The following TNK2 variants were observed in gnomAD, a reference collection of about 807,000 sequenced individuals.
The protein encoded by TNK2 is tyrosine kinase non receptor 2, also known as activated CDC42 kinase 1.
In TNK2, 83 loss-of-function variants were observed where a neutral mutation model predicts 101.8. That is an observed-to-expected ratio of 0.82 (90% CI 0.68 to 0.98). The LOEUF is 0.98. Ranked by LOEUF, TNK2 falls within the 50% of genes least tolerant of loss-of-function variation. The pLI, the probability that TNK2 is intolerant of heterozygous loss-of-function variation, is 0.00. For missense variants in TNK2, 1,665 were observed against 1,483.2 expected, an observed-to-expected ratio of 1.12 and a Z score of -2.01; for synonymous variants, 804 against 633.0, an observed-to-expected ratio of 1.27 and a Z score of -4.06.
rs1007386618 is a variant in TNK2, at chr3:195,864,062, C to G, written c.*119G>C. On this transcript the variant is annotated 3_prime_UTR_variant, in exon 16 of 16. Coordinates refer to ENST00000672887, the MANE Select transcript of TNK2 (RefSeq NM_001382273.1). The stretch of plus-strand genomic sequence containing the variant: ...CCGCAGCCTTGGCCTTGCTCCATCC[C>G]CGGGAGCAGCAGGAGCAGCGGGTCC... 2 of 1,418,800 alleles carry G rather than the reference C, an allele frequency of 1.4e-6. No homozygotes were observed. The highest frequency in any genetic ancestry group is 2.0e-6 in the Non-Finnish European group (2 of 1,016,424). 87.9% of individuals were successfully genotyped at this position (1,418,800 alleles called of 1,614,324 possible). A position where few individuals can be genotyped will look rare whatever the true frequency, so the allele number is the denominator to read the frequency against.
chr3:195,904,296 A>C (rs1345105060), intron 1 of TNK2, among the ~76,000 whole-genome samples: 1 of 152,082 alleles, frequency 6.6e-6, no homozygotes, highest in African/African-American at 2.4e-5. Flanking sequence ...AAGCAATCCA[A>C]GTAAATGGAT....
At chr3:195,896,086 G>A in intron 1 of TNK2, 1 of 455,658 alleles carries the variant, frequency 2.2e-6, no homozygotes, top group Non-Finnish European at 4.4e-6. Context: ...ACGAGGGCCC[G>A]GACTCCTGCT....
chr3:195,895,802 G>C (rs1760326997), intron 1 of TNK2: 1 of 197,672 alleles, frequency 5.1e-6, no homozygotes, highest in African/African-American at 2.3e-5. Flanking sequence ...CTCCATCTGA[G>C]ACCCCCTCCT....
Position 195,870,196 on chromosome 3 carries a change from C to A in TNK2, c.1461G>T (p.Leu487=), listed in dbSNP as rs565696393. The change falls in exon 11 of 16, where the codon CTG becomes CTT. Residue 487 remains leucine, a synonymous_variant. Transcript: ENST00000672887. ...GFPDRIDELY[L]GNPMDPPDLL... is the part of the protein sequence containing the mutation. ...GGTCGGGGGGGTCCATGGGGTTTCC[C>A]AGATACAGTCTGTGGGGGAGAGAGC... The A allele has an allele frequency of 3.2e-6, 5 of 1,579,686 alleles. No individual in the cohort carries two copies. The South Asian group carries it at 5.8e-5, about 18-fold the overall frequency.
At chr3:195,895,160 G>T in intron 1 of TNK2, 1 of 1,308,664 alleles carries the variant, frequency 7.6e-7, no homozygotes, top group Non-Finnish European at 1.0e-6. Flanking sequence ...TGAGGCCGCC[G>T]CAGGGGGCAG....
At chr3:195,881,968 G>T in intron 6 of TNK2, 83 bp downstream of exon 6, 1 of 1,505,500 alleles carries the variant, frequency 6.6e-7, no homozygotes, top group Non-Finnish European at 9.0e-7. Flanking sequence ...AAAACCAGGG[G>T]CTGTGGTGGG....
At position 195,863,729 on chromosome 3, in the gene TNK2, A is replaced by C. The variant is rs1368947327; in HGVS notation, c.*452T>G. The C allele has an allele frequency of 6.0e-6, 1 of 165,782 alleles. No homozygotes were observed. Among genetic ancestry groups the C allele is most frequent in the East Asian group, 1.6e-4 (1 of 6,142 alleles). The allele number at this position is 165,782 out of a possible 1,614,324, so 10.3% of individuals were successfully genotyped here. A position where few individuals can be genotyped will look rare whatever the true frequency, so the allele number is the denominator to read the frequency against. On this transcript the variant is annotated 3_prime_UTR_variant, in exon 16 of 16. Coordinates refer to ENST00000672887, the MANE Select transcript of TNK2 (RefSeq NM_001382273.1). The stretch of plus-strand genomic sequence containing the variant: ...CCAGGGGCCCCCTGGAAGAAGGCCC[A>C]GTCCTAGGAGGTCCCACCGGGTGCC...
chr3:195,867,017 C>T lies in TNK2; in HGVS notation c.3034-1G>A, dbSNP rs1560466060. ...GACCCAGCCCGAAGAGCTGCTCCAC[C>T]TGGGGGTAAGGGTGGCGCCATGGAC... On this transcript the variant is annotated splice_acceptor_variant, in intron 14 of 15. Transcript: ENST00000672887. LOFTEE classifies it high-confidence loss of function. 6.2e-7 allele frequency: 1 copy of T among 1,613,134 alleles called. No homozygotes were observed. The highest frequency in any genetic ancestry group is 8.5e-7 in the Non-Finnish European group (1 of 1,179,914).
intron 1 of TNK2, among the ~76,000 whole-genome samples, chr3:195,901,915 T>C (rs1761246056): frequency 6.6e-6 from 1 of 152,184 alleles, no homozygotes; most frequent in Admixed American, 6.5e-5. Context: ...GCTGAGTGGA[T>C]ACCATGTCAT....
Position 195,885,210 on chromosome 3 carries a change from C to G in TNK2, c.235-177G>C, listed in dbSNP as rs1755074103. ...GGCCCACACTCCGTCCAGGGCACACCCCCAAACATGAACCCAAAGCCTGAT... is the reference window on the plus strand; with the variant it reads ...GGCCCACACTCCGTCCAGGGCACACGCCCAAACATGAACCCAAAGCCTGAT... On this transcript the variant is annotated intron_variant, in intron 3 of 15. Transcript: ENST00000672887. The surrounding 1 kb of genome is among the most constrained non-coding windows in gnomAD (Gnocchi z 4.7). 4.0e-6 allele frequency: 4 copies of G among 1,003,596 alleles called. No homozygotes were observed. The allele number at this position is 1,003,596 out of a possible 1,614,324, so 62.2% of individuals were successfully genotyped here. A position where few individuals can be genotyped will look rare whatever the true frequency, so the allele number is the denominator to read the frequency against.
chr3:195,905,070 C>T (rs1761588833), intron 1 of TNK2, among the ~76,000 whole-genome samples: 1 of 152,118 alleles, frequency 6.6e-6, no homozygotes, highest in Non-Finnish European at 1.5e-5. Flanking sequence ...GAGATCTTAC[C>T]CTGATTTCAA....
intron 6 of TNK2, 64 bp from the exon 7 acceptor site, chr3:195,879,239 C>T: frequency 6.3e-7 from 1 of 1,596,628 alleles, no homozygotes. Context: ...GCCCCAGGGA[C>T]TTAAAACACT....
At chr3:195,892,427 C>G (rs544738012) in intron 1 of TNK2, 4 of 1,535,202 alleles carry the variant, frequency 2.6e-6, no homozygotes, top group Non-Finnish European at 3.5e-6. Flanking sequence ...CAGGCGTCGC[C>G]GCAGTCTGGC....
At chr3:195,890,121 T>C (rs144776074) in intron 1 of TNK2, among the ~76,000 whole-genome samples, 13 of 152,212 alleles carry the variant, frequency 8.5e-5, no homozygotes, top group African/African-American at 2.9e-4. Context: ...TCAGTTCAAA[T>C]CCTGGCTCTT....
rs770496107 is a variant in TNK2, at chr3:195,883,213, C to T, written c.553G>A (p.Asp185Asn). 6.2e-6 allele frequency: 10 copies of T among 1,610,806 alleles called. No individual in the cohort carries two copies. Among genetic ancestry groups the T allele is most frequent in the East Asian group, 2.2e-5 (1 of 44,880 alleles). Residue 185 changes from aspartate to asparagine, a missense_variant, in exon 5 of 16, where the codon GAC becomes AAC. By Grantham distance (23) the Asp-to-Asn change is conservative. Coordinates refer to ENST00000672887, the MANE Select transcript of TNK2 (RefSeq NM_001382273.1). ...IREVNAMHSLDHRNLIRLYGV... is the reference protein window; with the variant it reads ...IREVNAMHSLNHRNLIRLYGV... ...TAGAGGCGGATGAGGTTTCGGTGGT[C>T]GAGCGAGTGCATGGCATTGACCTCC...
chr3:195,878,349 T>C lies in TNK2; in HGVS notation c.1162-2A>G. 6.2e-7 allele frequency: 1 copy of C among 1,614,056 alleles called. No homozygotes were observed. Among genetic ancestry groups the C allele is most frequent in the Non-Finnish European group, 8.5e-7 (1 of 1,179,954 alleles). On this transcript the variant is annotated splice_acceptor_variant, in intron 8 of 15. Coordinates refer to ENST00000672887, the MANE Select transcript of TNK2 (RefSeq NM_001382273.1). LOFTEE classifies it high-confidence loss of function. The surrounding 1 kb of genome is among the most constrained non-coding windows in gnomAD (Gnocchi z 4.7). ...GGCCCGCATGTCTGTGGGCTGGGCC[T>C]GGAGGAAGAGGAAGGTCGTGGCCAA... is the stretch of plus-strand genomic sequence containing the variant.
rs1038483128 is a variant in TNK2 at position 195,888,744 on chromosome 3, C to A, written c.-18-138G>T. ...ACCACCTTCTGACTCCCGAGGGAAG[C>A]TACCGAGAACCGCCTGGACCCACGT... On this transcript the variant is annotated intron_variant, in intron 1 of 15. Transcript: ENST00000672887. This position sits in a 1 kb window ranked among gnomAD's most constrained non-coding sequence, Gnocchi z 5.3. The A allele has an allele frequency of 1.2e-6, 1 of 824,402 alleles. No individual in the cohort carries two copies. Among genetic ancestry groups the A allele is most frequent in the Non-Finnish European group, 1.8e-6 (1 of 545,578 alleles). The allele number at this position is 824,402 out of a possible 1,614,324, so 51.1% of individuals were successfully genotyped here. A position where few individuals can be genotyped will look rare whatever the true frequency, so the allele number is the denominator to read the frequency against.
At chr3:195,895,015 A>G (rs531847053) in intron 1 of TNK2, among the ~76,000 whole-genome samples, 1 of 152,340 alleles carries the variant, frequency 6.6e-6, no homozygotes, top group East Asian at 1.9e-4. Context: ...AAGAAAGCCC[A>G]ACGGGCAGCT....
At chr3:195,891,936 C>T (rs762465978) in intron 1 of TNK2, 77 of 989,108 alleles carry the variant, frequency 7.8e-5, no homozygotes, top group Middle Eastern at 5.1e-4. Flanking sequence ...GCACTCCATG[C>T]TCCCTGACCC....
Sources: gnomAD v4.1 joint callset for allele counts (sites outside exome capture counted in the v4.1 genomes callset) on GRCh38, gnomAD v4.1.1 for gene constraint, Gnocchi (gnomAD v3.1) non-coding constraint, MANE v1.5 for transcripts, NCBI Gene and HGNC (gene_info 2026-07-23, HGNC 2026-07-21) for gene names.